The following QTGAL variants were observed in gnomAD, a reference collection of about 807,000 sequenced individuals.
The protein encoded by QTGAL is BGnT-like protein 1.
At chr17:83,012,961 C>T in the QTGAL span, among the ~76,000 whole-genome samples, 1 of 152,118 alleles carries the variant, frequency 6.6e-6, no homozygotes, top group Non-Finnish European at 1.5e-5. Flanking sequence ...GACGTCTCTC[C>T]CAGGCAGTCC....
chr17:82,951,330 C>T, the QTGAL span, among the ~76,000 whole-genome samples: 8 of 152,222 alleles, frequency 5.3e-5, no homozygotes, highest in Non-Finnish European at 1.0e-4. Context: ...ATTACGGAGA[C>T]GGCTTCTTTC....
At chr17:83,036,366 G>T in the QTGAL span, among the ~76,000 whole-genome samples, 1 of 152,186 alleles carries the variant, frequency 6.6e-6, no homozygotes, top group Non-Finnish European at 1.5e-5. Flanking sequence ...TGGGGAAGGG[G>T]GTGACCAGAG....
the QTGAL span, chr17:82,948,797 C>G: frequency 6.6e-6 from 1 of 152,174 alleles, no homozygotes; most frequent in Non-Finnish European, 1.5e-5. Context: ...CATCTGTAAT[C>G]AAAAGAAATT....
the QTGAL span, chr17:83,048,767 G>C: frequency 6.2e-7 from 1 of 1,613,652 alleles, no homozygotes; most frequent in Non-Finnish European, 8.5e-7. Flanking sequence ...TCAGCGTTGT[G>C]GACTGGGAGG....
At chr17:83,036,585 T>C in the QTGAL span, among the ~76,000 whole-genome samples, 2 of 152,174 alleles carry the variant, frequency 1.3e-5, no homozygotes, top group Non-Finnish European at 2.9e-5. Flanking sequence ...CGATGACCTG[T>C]GGTTAAACGC....
the QTGAL span, chr17:82,957,262 A>C: frequency 6.2e-7 from 1 of 1,614,130 alleles, no homozygotes; most frequent in East Asian, 2.2e-5. Context: ...GGGGACAAGC[A>C]CAGAAGGGCA....
the QTGAL span, among the ~76,000 whole-genome samples, chr17:83,019,879 G>A: frequency 4.6e-5 from 7 of 151,870 alleles, no homozygotes; most frequent in African/African-American, 1.5e-4. Flanking sequence ...AATTACAGGC[G>A]CCCACCACCA....
the QTGAL span, among the ~76,000 whole-genome samples, chr17:83,047,042 A>G: frequency 6.6e-6 from 1 of 152,228 alleles, no homozygotes; most frequent in African/African-American, 2.4e-5. Flanking sequence ...AAAGCAGGCG[A>G]GTGGTTGCCA....
chr17:82,989,909 C>G, the QTGAL span, among the ~76,000 whole-genome samples: 2 of 152,182 alleles, frequency 1.3e-5, no homozygotes, highest in Non-Finnish European at 2.9e-5. Context: ...GGCAATTGCA[C>G]AGAAACAGTC....
At chr17:83,005,182 G>A in the QTGAL span, 1 of 1,610,010 alleles carries the variant, frequency 6.2e-7, no homozygotes, top group Non-Finnish European at 8.5e-7. This position sits in a 1 kb window ranked among gnomAD's most constrained non-coding sequence, Gnocchi z 5.6. Flanking sequence ...GGAGTTAGGG[G>A]GATCTCTCCT....
chr17:83,049,416 T>G, the QTGAL span, among the ~76,000 whole-genome samples: 7 of 150,896 alleles, frequency 4.6e-5, no homozygotes, highest in East Asian at 5.8e-4. Context: ...TGGTTGGTTT[T>G]TTTTTTTTTT....
chr17:82,958,411 C>T, the QTGAL span, among the ~76,000 whole-genome samples: 1 of 152,202 alleles, frequency 6.6e-6, no homozygotes, highest in East Asian at 1.9e-4. Context: ...GGGGTCTGGG[C>T]CAGACACAAC....
At chr17:83,032,439 A>G in the QTGAL span, among the ~76,000 whole-genome samples, 177 of 71,160 alleles carry the variant, frequency 2.5e-3, 14 homozygotes, top group East Asian at 6.0e-3. Flanking sequence ...CGCAGACCGA[A>G]CTCGGGAGCT....
the QTGAL span, among the ~76,000 whole-genome samples, chr17:82,951,817 G>A: frequency 6.7e-6 from 1 of 148,532 alleles, no homozygotes. Flanking sequence ...GTGGGGGGGA[G>A]CGGGGAGGCG....
the QTGAL span, among the ~76,000 whole-genome samples, chr17:82,974,933 A>T: frequency 6.9e-6 from 1 of 144,796 alleles, no homozygotes; most frequent in African/African-American, 2.7e-5. Context: ...CCCAGGACAG[A>T]GCCGGACTCC....
the QTGAL span, among the ~76,000 whole-genome samples, chr17:82,990,775 AGAT>A: frequency 6.6e-6 from 1 of 152,232 alleles, no homozygotes; most frequent in Admixed American, 6.5e-5. Flanking sequence ...GGCCTCTGGG[AGAT>A]GATTAGATTT....
chr17:83,027,838 G>A, the QTGAL span, among the ~76,000 whole-genome samples: 1 of 152,104 alleles, frequency 6.6e-6, no homozygotes, highest in Non-Finnish European at 1.5e-5. Context: ...AACAGGCCAG[G>A]TGTGGTGGCT....
chr17:82,969,547 C>G, the QTGAL span, among the ~76,000 whole-genome samples: 1 of 152,144 alleles, frequency 6.6e-6, no homozygotes, highest in Admixed American at 6.5e-5. Flanking sequence ...GGTGCACGCG[C>G]CAGTGGTCCC....
the QTGAL span, among the ~76,000 whole-genome samples, chr17:82,965,176 C>T: frequency 7.8e-6 from 1 of 127,646 alleles, no homozygotes; most frequent in African/African-American, 3.4e-5. Flanking sequence ...GATGGGGACA[C>T]AGACGCCTGC....
Sources: gnomAD v4.1 joint callset for allele counts (sites outside exome capture counted in the v4.1 genomes callset) on GRCh38, gnomAD v4.1.1 for gene constraint, Gnocchi (gnomAD v3.1) non-coding constraint, MANE v1.5 for transcripts, NCBI Gene and HGNC (gene_info 2026-07-23, HGNC 2026-07-21) for gene names.